Variants in UBA2 observed in about 807,000 individuals in gnomAD.
UBA2 encodes ubiquitin like modifier activating enzyme 2.
A neutral mutation model predicts 77.2 loss-of-function variants in UBA2; 11 were observed. The ratio of observed to expected loss-of-function variants is 0.14; its 90% CI spans 0.09 to 0.24. The LOEUF (loss-of-function observed/expected upper bound fraction) is 0.24, where lower values mean the gene tolerates loss of function less well. Among genes scored for constraint, UBA2 ranks in the 10% least tolerant of loss-of-function variants. UBA2 has a pLI of 1.00. For synonymous variants in UBA2, 278 were observed against 276.7 expected, an observed-to-expected ratio of 1.00 and a Z score of -0.05; for missense variants, 487 against 781.7, an observed-to-expected ratio of 0.62 and a Z score of 4.50.
Position 34,464,008 on chromosome 19 carries a change from A to G in UBA2, c.1499-18A>G, listed in dbSNP as rs77015298. On this transcript the variant is annotated intron_variant, in intron 14 of 16. Coordinates refer to ENST00000246548, the MANE Select transcript of UBA2 (RefSeq NM_005499.3). ...ATGAAGATGTAACTGAAGTATCTAAATTATTCACGTTTCCTAGCTAATAAT... is the reference window on the plus strand; with the variant it reads ...ATGAAGATGTAACTGAAGTATCTAAGTTATTCACGTTTCCTAGCTAATAAT... 31,957 of 1,558,602 alleles carry G rather than the reference A, an allele frequency of 0.021. 396 individuals carry two copies. Among genetic ancestry groups the G allele is most frequent in the Non-Finnish European group, 0.024 (26,779 of 1,129,586 alleles).
rs80014663 is a variant in UBA2, at chr19:34,456,416, G to A, written c.1245+1860G>A. Among the ~76,000 whole-genome samples the A allele has an allele frequency of 8.8e-3, 1,338 of 151,846 alleles. 12 individuals are homozygous for A. The highest frequency in any genetic ancestry group is 0.012 in the Non-Finnish European group (835 of 67,930). ...GGCGTGAGCTATTGCGCCCAGCCTC[G>A]ATGCACTCTTAAAATATTTTATTTT... On this transcript the variant is annotated intron_variant, in intron 12 of 16. Coordinates refer to ENST00000246548, the MANE Select transcript of UBA2 (RefSeq NM_005499.3).
intron 15 of UBA2, among the ~76,000 whole-genome samples, chr19:34,465,133 G>C (rs1407406537): frequency 6.6e-6 from 1 of 152,152 alleles, no homozygotes; most frequent in African/African-American, 2.4e-5. Flanking sequence ...TGTTGACCAG[G>C]GTGCATTTTT....
intron 3 of UBA2, among the ~76,000 whole-genome samples, chr19:34,432,547 A>G (rs1741931205): frequency 7.5e-6 from 1 of 132,458 alleles, no homozygotes; most frequent in Non-Finnish European, 1.8e-5. Context: ...GGGCATTTGT[A>G]TCTCCGGATT....
intron 13 of UBA2, among the ~76,000 whole-genome samples, chr19:34,459,148 G>A (rs2075604447): frequency 6.6e-6 from 1 of 152,160 alleles, no homozygotes; most frequent in African/African-American, 2.4e-5. Context: ...ACTGGAATCT[G>A]CAGCACAGTG....
At chr19:34,454,693 C>T in intron 12 of UBA2, 137 bp downstream of exon 12, 1 of 508,426 alleles carries the variant, frequency 2.0e-6, no homozygotes. Context: ...TTCTGGTTAC[C>T]AAGTGAGTGT....
chr19:34,431,013 TC>T (rs922024162), intron 2 of UBA2, among the ~76,000 whole-genome samples: 1 of 152,128 alleles, frequency 6.6e-6, no homozygotes, highest in African/African-American at 2.4e-5. Flanking sequence ...ACAAGACAGT[TC>T]CCCCGATCTT....
intron 8 of UBA2, among the ~76,000 whole-genome samples, chr19:34,447,766 T>C: frequency 6.6e-6 from 1 of 152,204 alleles, no homozygotes; most frequent in Non-Finnish European, 1.5e-5. Context: ...GAATAATAAG[T>C]TTCATCTAAA....
At chr19:34,468,444 G>C (rs926597812) in intron 16 of UBA2, among the ~76,000 whole-genome samples, 2 of 152,128 alleles carry the variant, frequency 1.3e-5, no homozygotes, top group South Asian at 2.1e-4. Flanking sequence ...GGTTTCCAAG[G>C]TTACAGCCAT....
At chr19:34,436,337 T>C (rs545456911) in intron 5 of UBA2, among the ~76,000 whole-genome samples, 2 of 152,226 alleles carry the variant, frequency 1.3e-5, no homozygotes, top group Admixed American at 1.3e-4. Context: ...TTCGCTCTTG[T>C]TGCCCAGGCT....
intron 8 of UBA2, among the ~76,000 whole-genome samples, chr19:34,445,584 G>A (rs1313439765): frequency 1.3e-5 from 2 of 151,942 alleles, no homozygotes; most frequent in Non-Finnish European, 2.9e-5. Context: ...GATTACAGGT[G>A]TGTACCATCA....
intron 14 of UBA2, 76 bp from the exon 15 acceptor site, chr19:34,463,950 T>G: frequency 1.9e-6 from 2 of 1,041,848 alleles, no homozygotes; most frequent in South Asian, 1.3e-5. Flanking sequence ...ATAACAGAGG[T>G]TTAGCTTTTT....
chr19:34,438,646 G>T lies in UBA2; in HGVS notation c.461G>T (p.Gly154Val). 1 of 1,614,022 alleles carries T rather than the reference G, an allele frequency of 6.2e-7. No homozygotes were observed. Among genetic ancestry groups the T allele is most frequent in the Non-Finnish European group, 8.5e-7 (1 of 1,179,982 alleles). Reference protein sequence around the residue: ...YLGQVTTIKKGVTECYECHPK... With the variant: ...YLGQVTTIKKVVTECYECHPK... The stretch of plus-strand genomic sequence containing the variant: ...TTTTCTCATATCCTGACTTCATAGG[G>T]TGTGACCGAGTGTTATGAGTGTCAT... Residue 154 changes from glycine (G) to valine (V), a missense_variant and splice_region_variant, in exon 6 of 17, where the codon GGT becomes GTT. Gly to Val is a moderately radical substitution (Grantham distance 109, BLOSUM62 -3). Coordinates refer to ENST00000246548, the MANE Select transcript of UBA2 (RefSeq NM_005499.3).
chr19:34,443,969 T>A (rs1251605169), intron 7 of UBA2, 58 bp downstream of exon 7: 10 of 1,283,012 alleles, frequency 7.8e-6, no homozygotes, highest in Non-Finnish European at 1.1e-6. Flanking sequence ...TTTTGTTGAT[T>A]TAATTTTGGT....
Position 34,438,777 on chromosome 19 carries a change from A to G in UBA2, c.581+11A>G, listed in dbSNP as rs201336141. On this transcript the variant is annotated intron_variant, in intron 6 of 16. Transcript: ENST00000246548. ...AAAGTACTTGTTCAAGTAAGAGTGT[A>G]TATTTCTTGGCATGCTTTTCGGTAC... The G allele has an allele frequency of 6.2e-7, 1 of 1,612,350 alleles. No individual in the cohort carries two copies. The highest frequency in any genetic ancestry group is 1.1e-5 in the South Asian group (1 of 90,530).
chr19:34,458,753 T>C lies in UBA2; in HGVS notation c.1246-16T>C. ...CAGCACGTTTCCGATTTCTGCCTGTTATTTCTCCTCCAAAGATTTTTTTGA... is the reference window on the plus strand; with the variant it reads ...CAGCACGTTTCCGATTTCTGCCTGTCATTTCTCCTCCAAAGATTTTTTTGA... On this transcript the variant is annotated splice_polypyrimidine_tract_variant and intron_variant, in intron 12 of 16. Transcript: ENST00000246548. The C allele has an allele frequency of 6.2e-7, 1 of 1,605,372 alleles. No homozygotes were observed. Among genetic ancestry groups the C allele is most frequent in the Middle Eastern group, 1.7e-4 (1 of 5,946 alleles).
chr19:34,428,764 C>T (rs1057024159), intron 1 of UBA2, 194 bp downstream of exon 1: 1 of 1,136,768 alleles, frequency 8.8e-7, no homozygotes, highest in Admixed American at 4.4e-5. Context: ...CGGGGCGGGC[C>T]TCCGCTCGCT....
intron 1 of UBA2, chr19:34,429,172 AGTGGCAGGGCT>A (rs1310332647): frequency 7.1e-6 from 7 of 985,184 alleles, no homozygotes; most frequent in Non-Finnish European, 8.4e-6. Flanking sequence ...TCACGGAGCG[AGTGGCAGGGCT>A]CCCGCAGGCT....
chr19:34,433,288 C>T (rs2075275367), intron 3 of UBA2, 60 bp from the exon 4 acceptor site: 5 of 1,197,154 alleles, frequency 4.2e-6, no homozygotes, highest in Admixed American at 1.8e-5. Context: ...GTTTATTATA[C>T]TGCAAAGATC....
chr19:34,436,995 G>A (rs1355613345), intron 5 of UBA2, among the ~76,000 whole-genome samples: 2 of 152,090 alleles, frequency 1.3e-5, no homozygotes, highest in Non-Finnish European at 2.9e-5. Flanking sequence ...CTTGCCATGT[G>A]GCTACCCTCA....
Sources: gnomAD v4.1 joint callset for allele counts (sites outside exome capture counted in the v4.1 genomes callset) on GRCh38, gnomAD v4.1.1 for gene constraint, MANE v1.5 for transcripts, NCBI Gene and HGNC (gene_info 2026-07-23, HGNC 2026-07-21) for gene names.